Variants in CCBE1 observed in about 807,000 individuals in gnomAD.
CCBE1 encodes the protein collagen and calcium binding EGF domains 1, also known as collagen and calcium-binding EGF domain-containing protein 1.
CCBE1 carries 37 observed loss-of-function variants against 50.0 expected under a neutral mutation model. That is an observed-to-expected ratio of 0.74 (90% CI 0.57 to 0.97). CCBE1 has a LOEUF of 0.97. CCBE1 is among the 50% of genes least tolerant of loss of function. The pLI is 0.00. For missense variants in CCBE1, 538 were observed against 523.8 expected, an observed-to-expected ratio of 1.03 and a Z score of -0.26; for synonymous variants, 234 against 203.7, an observed-to-expected ratio of 1.15 and a Z score of -1.27.
intron 2 of CCBE1, among the ~76,000 whole-genome samples, chr18:59,669,491 G>A (rs1264443106): frequency 6.6e-6 from 1 of 152,224 alleles, no homozygotes; most frequent in Admixed American, 6.5e-5. Flanking sequence ...AATATCTGTG[G>A]CTGAGAGGAA....
chr18:59,543,135 G>C (rs983219441), intron 2 of CCBE1, among the ~76,000 whole-genome samples: 5 of 152,058 alleles, frequency 3.3e-5, no homozygotes, highest in Non-Finnish European at 5.9e-5. Context: ...TACACAAAAA[G>C]TTACCTGGGG....
intron 2 of CCBE1, among the ~76,000 whole-genome samples, chr18:59,665,815 T>C (rs947795971): frequency 2.6e-5 from 4 of 152,216 alleles, no homozygotes; most frequent in African/African-American, 9.6e-5. Context: ...CGTCTGTGTT[T>C]GCTTTGCAGC....
At chr18:59,675,718 A>G (rs978941757) in intron 2 of CCBE1, among the ~76,000 whole-genome samples, 2 of 152,200 alleles carry the variant, frequency 1.3e-5, no homozygotes, top group Admixed American at 1.3e-4. Flanking sequence ...ACAGTTATCA[A>G]ATACAAAAAT....
intron 2 of CCBE1, among the ~76,000 whole-genome samples, chr18:59,543,012 A>C (rs561463379): frequency 1.3e-5 from 2 of 152,176 alleles, no homozygotes; most frequent in African/African-American, 4.8e-5. Context: ...AAATTCTTAA[A>C]AATTTTTAAA....
chr18:59,443,469 C>CT (rs11337100), intron 7 of CCBE1, among the ~76,000 whole-genome samples: 2,424 of 144,828 alleles, frequency 0.017, 44 homozygotes, highest in African/African-American at 0.047. Context: ...AATTTGCCAA[C>CT]TTTTTTTTTT....
chr18:59,646,268 T>C (rs1249339103), intron 2 of CCBE1, among the ~76,000 whole-genome samples: 2 of 152,186 alleles, frequency 1.3e-5, no homozygotes, highest in Non-Finnish European at 2.9e-5. Flanking sequence ...TCAGAATTTG[T>C]TGGGACCCAG....
Position 59,474,357 on chromosome 18 carries a change from A to G in CCBE1, c.266-4750T>C, listed in dbSNP as rs1199625452. Among the ~76,000 whole-genome samples the G allele has an allele frequency of 3.9e-4, 60 of 152,218 alleles. 1 individual carries two copies. Among genetic ancestry groups the G allele is most frequent in the Non-Finnish European group, 7.3e-5 (5 of 68,044 alleles). Reference sequence around the variant, plus strand: ...AAACAGATTAATAGAATCTGTTTGCATATAGTTTTATGATTTTATGACATC... The same window carrying G: ...AAACAGATTAATAGAATCTGTTTGCGTATAGTTTTATGATTTTATGACATC... On this transcript the variant is annotated intron_variant, in intron 3 of 10. Transcript: ENST00000439986.
intron 10 of CCBE1, among the ~76,000 whole-genome samples, chr18:59,437,058 TGA>T (rs1212908859): frequency 6.6e-6 from 1 of 152,192 alleles, no homozygotes; most frequent in Non-Finnish European, 1.5e-5. Context: ...TAAATGAAGT[TGA>T]GAGGATGTTG....
At chr18:59,612,815 G>A (rs797007068) in intron 2 of CCBE1, among the ~76,000 whole-genome samples, 1 of 114,938 alleles carries the variant, frequency 8.7e-6, no homozygotes, top group African/African-American at 3.1e-5. Context: ...AATCTCAAGG[G>A]TTTTTTTTTT....
At chr18:59,603,558 TC>T (rs1484599520) in intron 2 of CCBE1, among the ~76,000 whole-genome samples, 3 of 152,178 alleles carry the variant, frequency 2.0e-5, no homozygotes, top group African/African-American at 7.2e-5. Flanking sequence ...AAGGTTTTGC[TC>T]ATCTTTAAGT....
intron 3 of CCBE1, among the ~76,000 whole-genome samples, chr18:59,474,402 T>C (rs1188578655): frequency 1.3e-5 from 2 of 152,218 alleles, no homozygotes; most frequent in Non-Finnish European, 2.9e-5. Context: ...CTGTAAGTGA[T>C]TTGGCCAGTG....
chr18:59,485,974 T>C lies in CCBE1; in HGVS notation c.213-5736A>G, dbSNP rs8093351. On this transcript the variant is annotated intron_variant, in intron 2 of 10. Coordinates refer to ENST00000439986, the MANE Select transcript of CCBE1 (RefSeq NM_133459.4). ...TTGAGAGTTCTTGGTGTTAAGGTAA[T>C]GTGTAACAAATGGAGCATTGGCTTT... Among the ~76,000 whole-genome samples, 3 of 151,922 alleles carry C rather than the reference T, an allele frequency of 2.0e-5. No individual in the cohort carries two copies. In the East Asian group the frequency reaches 5.8e-4, roughly 29 times the overall value.
rs1459855440 is a variant in CCBE1, at chr18:59,433,662, T to G, written c.*2246A>C. The stretch of plus-strand genomic sequence containing the variant: ...CTCTGTCGCCCAGGCTGGAGTGCAG[T>G]GGCACGATCTCGGCTCAGCGCAAGC... On this transcript the variant is annotated 3_prime_UTR_variant, in exon 11 of 11. Coordinates refer to ENST00000439986, the MANE Select transcript of CCBE1 (RefSeq NM_133459.4). 2 of 151,462 alleles carry G rather than the reference T, an allele frequency of 1.3e-5. No homozygotes were observed. Among genetic ancestry groups the G allele is most frequent in the African/African-American group, 2.4e-5 (1 of 41,168 alleles). The allele number at this position is 151,462 out of a possible 1,614,324, so 9.4% of individuals were successfully genotyped here.
chr18:59,650,066 T>C (rs1197145267), intron 2 of CCBE1, among the ~76,000 whole-genome samples: 1 of 152,142 alleles, frequency 6.6e-6, no homozygotes, highest in Non-Finnish European at 1.5e-5. Flanking sequence ...AAGTCCGCTC[T>C]CCTTCCTCCA....
In CCBE1 at chr18:59,583,007, G is replaced by A. The variant is rs747589485; in HGVS notation, c.213-102769C>T. On this transcript the variant is annotated intron_variant, in intron 2 of 10. Transcript: ENST00000439986. ...AAATAAAAAAAATTTTCTTTTTGTA[G>A]AGATGGGATCTATGTTGCCCAGGCT... is the stretch of plus-strand genomic sequence containing the variant. 5.0e-4 allele frequency among the ~76,000 whole-genome samples: 76 copies of A among 152,086 alleles called. 1 individual carries two copies. The highest frequency in any genetic ancestry group is 1.0e-4 in the Non-Finnish European group (7 of 68,028).
intron 2 of CCBE1, among the ~76,000 whole-genome samples, chr18:59,612,816 T>G (rs1018093115): frequency 1.3e-4 from 13 of 99,320 alleles, no homozygotes; most frequent in Middle Eastern, 5.6e-3. Flanking sequence ...ATCTCAAGGG[T>G]TTTTTTTTTG....
At chr18:59,685,503 C>CA (rs1166080533) in intron 2 of CCBE1, among the ~76,000 whole-genome samples, 2 of 152,212 alleles carry the variant, frequency 1.3e-5, no homozygotes, top group African/African-American at 4.8e-5. Flanking sequence ...ATTTACCCAG[C>CA]TTCTGACAAA....
intron 2 of CCBE1, among the ~76,000 whole-genome samples, chr18:59,680,131 G>T (rs2054565911): frequency 6.6e-6 from 1 of 152,006 alleles, no homozygotes; most frequent in African/African-American, 2.4e-5. Flanking sequence ...TGAAGCAGGA[G>T]AGTCACTTGA....
chr18:59,611,740 T>C (rs1050106153), intron 2 of CCBE1, among the ~76,000 whole-genome samples: 2 of 151,850 alleles, frequency 1.3e-5, no homozygotes, highest in African/African-American at 4.8e-5. Flanking sequence ...AGTGCAACTC[T>C]GTCTTAAAAA....
Sources: gnomAD v4.1 joint callset for allele counts (sites outside exome capture counted in the v4.1 genomes callset) on GRCh38, gnomAD v4.1.1 for gene constraint, MANE v1.5 for transcripts, NCBI Gene and HGNC (gene_info 2026-07-23, HGNC 2026-07-21) for gene names.